The following CIITA variants were observed in gnomAD, a reference collection of about 807,000 sequenced individuals.
The protein encoded by CIITA is class II major histocompatibility complex transactivator.
Under a neutral mutation model 115.1 loss-of-function variants are expected in CIITA, and 72 were observed. The ratio of observed to expected loss-of-function variants is 0.63; its 90% CI spans 0.52 to 0.76. The LOEUF (loss-of-function observed/expected upper bound fraction) is 0.76. Ranked by LOEUF, CIITA falls within the 30% of genes least tolerant of loss-of-function variation. The pLI, the probability that CIITA is intolerant of heterozygous loss-of-function variation, is 0.00. For missense variants in CIITA, 1,617 were observed against 1,463.8 expected, an observed-to-expected ratio of 1.10 and a Z score of -1.71; for synonymous variants, 763 against 635.6, an observed-to-expected ratio of 1.20 and a Z score of -3.02.
Position 10,895,307 on chromosome 16 carries a change from G to T in CIITA, c.78G>T (p.Glu26Asp). ...GCAGCTCACAGTGTGCCACCATGGA[G>T]TTGGGGCCCCTAGAAGGTGGCTACC... is the stretch of plus-strand genomic sequence containing the variant. ...PQGSSQCATM[E>D]LGPLEGGYLE... Residue 26 changes from glutamate (E) to aspartate (D), a missense_variant, in exon 2 of 20, where the codon GAG (glutamate) becomes GAT (aspartate). Physicochemically the swap from Glu to Asp is conservative, Grantham distance 45. Coordinates refer to ENST00000324288, the MANE Select transcript of CIITA (RefSeq NM_000246.4). 1 of 1,614,026 alleles carries T rather than the reference G, an allele frequency of 6.2e-7. No individual in the cohort carries two copies. The highest frequency in any genetic ancestry group is 8.5e-7 in the Non-Finnish European group (1 of 1,180,016).
At chr16:10,922,839 G>T in intron 18 of CIITA, 1 of 500,904 alleles carries the variant, frequency 2.0e-6, no homozygotes, top group Non-Finnish European at 3.6e-6. Flanking sequence ...TATGGTTCAG[G>T]TTTATCTTTT....
Position 10,909,100 on chromosome 16 carries a change from C to G in CIITA, c.2729C>G (p.Ala910Gly). ...CATGGGGAGACCAAGCTACTTCAGG[C>G]AGCAGAGGAGAAGTTCACCATCGAG... ...QQHGETKLLQ[A>G]AEEKFTIEPF... The change falls in exon 12 of 20, where the codon GCA becomes GGA. Residue 910 changes from alanine to glycine, a missense_variant. Ala to Gly is a moderately conservative substitution (Grantham distance 60, BLOSUM62 0). Transcript: ENST00000324288. 1 of 1,614,150 alleles carries G rather than the reference C, an allele frequency of 6.2e-7. No homozygotes were observed. Among genetic ancestry groups the G allele is most frequent in the Non-Finnish European group, 8.5e-7 (1 of 1,179,998 alleles).
intron 1 of CIITA, among the ~76,000 whole-genome samples, chr16:10,882,695 C>T (rs952527214): frequency 2.6e-5 from 4 of 152,248 alleles, no homozygotes; most frequent in East Asian, 3.9e-4. Flanking sequence ...ATCAGGAGTT[C>T]GAGACCAGCC....
intron 3 of CIITA, among the ~76,000 whole-genome samples, chr16:10,896,216 G>C (rs2038107359): frequency 6.6e-6 from 1 of 152,074 alleles, no homozygotes; most frequent in East Asian, 1.9e-4. Flanking sequence ...CAACAACAAA[G>C]GAAATACATA....
chr16:10,877,198 G>T (rs1044880679), upstream of CIITA: 1 of 768,824 alleles, frequency 1.3e-6, no homozygotes. Context: ...ACTGGTGACT[G>T]GTTAGTGATG....
chr16:10,915,447 G>T, intron 13 of CIITA, 123 bp from the exon 14 acceptor site: 1 of 768,046 alleles, frequency 1.3e-6, no homozygotes, highest in East Asian at 2.6e-5. Flanking sequence ...GGCTGGGGTG[G>T]AAGGGAAGAG....
At position 10,916,445 on chromosome 16, in the gene CIITA, C is replaced by A; in HGVS notation, c.3048C>A (p.Ser1016=). The A allele has an allele frequency of 1.2e-6, 2 of 1,612,210 alleles. No homozygotes were observed. The highest frequency in any genetic ancestry group is 1.7e-6 in the Non-Finnish European group (2 of 1,179,046). ...QLSATFPQLK[S]LETLNLSQNN... Reference sequence around the variant, plus strand: ...CAGCCACCTTCCCCCAGCTGAAGTCCTTGGAAACCCTCAAGTGAGTGAGCT... The same window carrying A: ...CAGCCACCTTCCCCCAGCTGAAGTCATTGGAAACCCTCAAGTGAGTGAGCT... The change falls in exon 15 of 20, where the codon TCC becomes TCA. Residue 1016 remains serine, a synonymous_variant. Coordinates refer to ENST00000324288, the MANE Select transcript of CIITA (RefSeq NM_000246.4).
At position 10,907,346 on chromosome 16, in the gene CIITA, C is replaced by T; in HGVS notation, c.1854C>T (p.Cys618=). 2 of 1,613,560 alleles carry T rather than the reference C, an allele frequency of 1.2e-6. No homozygotes were observed. The highest frequency in any genetic ancestry group is 2.2e-5 in the South Asian group (2 of 91,088). ...GCCCTACTTTGTGCCGGGCAGTGTGCCAGCTCTCAGAGGCCCTGCTGGAGC... is the reference window on the plus strand; with the variant it reads ...GCCCTACTTTGTGCCGGGCAGTGTGTCAGCTCTCAGAGGCCCTGCTGGAGC... ...SHSPTLCRAV[C]QLSEALLELG... The change falls in exon 11 of 20, where the codon TGC becomes TGT. Residue 618 remains cysteine, a synonymous_variant. Coordinates refer to ENST00000324288, the MANE Select transcript of CIITA (RefSeq NM_000246.4). This position sits in a 1 kb window ranked among gnomAD's most constrained non-coding sequence, Gnocchi z 5.0.
At chr16:10,941,030 G>C (rs1029091174), downstream of CIITA, 1 of 152,338 alleles carries the variant, frequency 6.6e-6, no homozygotes, top group Non-Finnish European at 1.5e-5. The surrounding 1 kb of genome is among the most constrained non-coding windows in gnomAD (Gnocchi z 6.4). Flanking sequence ...CCAAAAGGAA[G>C]TACGGGCTTC....
At chr16:10,877,115 C>A, upstream of CIITA, 1 of 629,716 alleles carries the variant, frequency 1.6e-6, no homozygotes, top group Non-Finnish European at 2.9e-6. Flanking sequence ...CTTGGGGCCA[C>A]CTTGCAGGGA....
rs770066015 is a variant in CIITA, at chr16:10,923,001, A to T, written c.3318-227A>T. ...AAAATAAAGCACAGAGCAGTTAACT[A>T]ACCTTTCTGGGGTCACACAGCAAGT... is the stretch of plus-strand genomic sequence containing the variant. On this transcript the variant is annotated intron_variant, in intron 18 of 19. Transcript: ENST00000324288. The surrounding 1 kb of genome is among the most constrained non-coding windows in gnomAD (Gnocchi z 5.2). 2.6e-5 allele frequency: 15 copies of T among 587,564 alleles called. No homozygotes were observed. Among genetic ancestry groups the T allele is most frequent in the Non-Finnish European group, 4.0e-5 (13 of 328,026 alleles). 36.4% of individuals were successfully genotyped at this position (587,564 alleles called of 1,614,324 possible).
Position 10,942,120 on chromosome 16 carries a change from G to A in CIITA, n.1246G>A. ...TCCAGGGGTACCCTGGAGCCCGACA[G>A]AAGCAGGGCCGGGCTCCAGATGTCC... On this transcript the variant is annotated non_coding_transcript_exon_variant, in exon 2 of 2. Transcript: ENST00000573379. The surrounding 1 kb of genome is among the most constrained non-coding windows in gnomAD (Gnocchi z 5.0). 1.3e-6 allele frequency: 1 copy of A among 761,472 alleles called. No individual in the cohort carries two copies. The highest frequency in any genetic ancestry group is 1.9e-6 in the Non-Finnish European group (1 of 532,996). The allele number at this position is 761,472 out of a possible 1,614,324, so 47.2% of individuals were successfully genotyped here. A position where few individuals can be genotyped will look rare whatever the true frequency, so the allele number is the denominator to read the frequency against.
rs140269818 is a variant in CIITA at position 10,907,231 on chromosome 16, G to T, written c.1739G>T (p.Arg580Leu). 6.2e-7 allele frequency: 1 copy of T among 1,613,482 alleles called. No homozygotes were observed. The highest frequency in any genetic ancestry group is 2.2e-5 in the East Asian group (1 of 44,862). Residue 580 changes from arginine (R) to leucine (L), a missense_variant, in exon 11 of 20, where the codon CGC (arginine) becomes CTC (leucine). Coordinates refer to ENST00000324288, the MANE Select transcript of CIITA (RefSeq NM_000246.4). The surrounding 1 kb of genome is among the most constrained non-coding windows in gnomAD (Gnocchi z 5.0). ...GAGCAGGCCCAGGCATACGTGATGC[G>T]CTACTTTGAGAGCTCAGGGATGACA... is the stretch of plus-strand genomic sequence containing the variant. ...SMEQAQAYVMRYFESSGMTEH... is the reference protein window; with the variant it reads ...SMEQAQAYVMLYFESSGMTEH...
In CIITA at chr16:10,907,778, C is replaced by T. The variant is rs35976871; in HGVS notation, c.2286C>T (p.Ile762=). ...TGCCACGCTTTCTGGCTGGGCTGAT[C>T]TTCCAGCCTCCCGCCCGCTGCCTGG... is the stretch of plus-strand genomic sequence containing the variant. The part of the protein sequence containing the change: ...EGVPRFLAGL[I]FQPPARCLGA... Residue 762 remains isoleucine (I), a synonymous_variant, in exon 11 of 20, where the codon ATC becomes ATT. Transcript: ENST00000324288. This position sits in a 1 kb window ranked among gnomAD's most constrained non-coding sequence, Gnocchi z 5.0. 4 of 1,614,094 alleles carry T rather than the reference C, an allele frequency of 2.5e-6. No individual in the cohort carries two copies. Among genetic ancestry groups the T allele is most frequent in the Non-Finnish European group, 3.4e-6 (4 of 1,180,034 alleles).
chr16:10,870,762 G>A (rs1369397495), intron 1 of CIITA, among the ~76,000 whole-genome samples: 1 of 152,234 alleles, frequency 6.6e-6, no homozygotes, highest in Non-Finnish European at 1.5e-5. Flanking sequence ...TCTAGTGAGG[G>A]TTAAATGAGA....
rs1427446137 is a variant in CIITA, at chr16:10,925,087, T to G, written c.*1232T>G. 6.6e-6 allele frequency: 1 copy of G among 152,328 alleles called. No homozygotes were observed. The highest frequency in any genetic ancestry group is 6.5e-5 in the Admixed American group (1 of 15,290). 9.4% of individuals were successfully genotyped at this position (152,328 alleles called of 1,614,324 possible). On this transcript the variant is annotated 3_prime_UTR_variant, in exon 20 of 20. Coordinates refer to ENST00000324288, the MANE Select transcript of CIITA (RefSeq NM_000246.4). ...GCTTGAGGGTTGGGCTGGTGTCACC[T>G]GAAGACTCATTCTTCTGTACGTCTG...
chr16:10,897,074 G>A (rs1478942880), intron 3 of CIITA, among the ~76,000 whole-genome samples: 1 of 152,184 alleles, frequency 6.6e-6, no homozygotes, highest in Non-Finnish European at 1.5e-5. Context: ...CACAGGCAGC[G>A]AAAGCTGTCT....
At chr16:10,940,962 A>G (rs1242670098), downstream of CIITA, 1 of 152,230 alleles carries the variant, frequency 6.6e-6, no homozygotes, top group East Asian at 1.9e-4. This position sits in a 1 kb window ranked among gnomAD's most constrained non-coding sequence, Gnocchi z 4.2. Flanking sequence ...TCTGAGCTGC[A>G]GAACTGATGA....
Position 10,879,821 on chromosome 16 carries a change from C to G in CIITA, c.52+2439C>G, listed in dbSNP as rs115547175. Reference sequence around the variant, plus strand: ...GGGTCCAGGAAAGCCGGAATCGGAGCCACCATGCTTAGCTTAGTCTGGAAC... The same window carrying G: ...GGGTCCAGGAAAGCCGGAATCGGAGGCACCATGCTTAGCTTAGTCTGGAAC... On this transcript the variant is annotated intron_variant, in intron 1 of 19. Coordinates refer to ENST00000324288, the MANE Select transcript of CIITA (RefSeq NM_000246.4). This position sits in a 1 kb window ranked among gnomAD's most constrained non-coding sequence, Gnocchi z 4.3. Among the ~76,000 whole-genome samples the G allele has an allele frequency of 3.5e-3, 534 of 152,234 alleles. 7 individuals carry two copies. The highest frequency in any genetic ancestry group is 0.012 in the African/African-American group (495 of 41,532).
Sources: gnomAD v4.1 joint callset for allele counts (sites outside exome capture counted in the v4.1 genomes callset) on GRCh38, gnomAD v4.1.1 for gene constraint, Gnocchi (gnomAD v3.1) non-coding constraint, MANE v1.5 for transcripts, NCBI Gene and HGNC (gene_info 2026-07-23, HGNC 2026-07-21) for gene names.